OTOG: variants seen among roughly 807,000 people sequenced by gnomAD.
The protein encoded by OTOG is otogelin.
In OTOG, 296 loss-of-function variants were observed where a neutral mutation model predicts 313.8. The observed-to-expected ratio is 0.94, with a 90% CI of 0.86 to 1.04. The LOEUF is 1.04. Ranked by LOEUF, OTOG falls within the 50% of genes least tolerant of loss-of-function variation. The pLI is 0.00. For synonymous variants in OTOG, 1,533 were observed against 1,554.9 expected (o/e 0.99, Z 0.33); for missense variants, 3,948 against 3,840.1 (o/e 1.03, Z -0.74).
chr11:17,588,694 A>AT (rs960417559), intron 24 of OTOG, among the ~76,000 whole-genome samples: 6 of 151,956 alleles, frequency 3.9e-5, no homozygotes, highest in Admixed American at 3.3e-4. Flanking sequence ...ATTCTTGGAG[A>AT]TTTTAGTATC....
At chr11:17,561,606 G>C (rs1852185160) in intron 14 of OTOG, 56 bp from the exon 15 acceptor site, 1 of 1,539,332 alleles carries the variant, frequency 6.5e-7, no homozygotes, top group Admixed American at 2.0e-5. Flanking sequence ...GAGCTTGCAG[G>C]GCAGAGTTCC....
At chr11:17,553,583 C>A in intron 6 of OTOG, 64 bp downstream of exon 6, 1 of 1,313,080 alleles carries the variant, frequency 7.6e-7, no homozygotes, top group African/African-American at 1.5e-5. Flanking sequence ...CTGCACTGGC[C>A]TGGGCTCTAC....
chr11:17,571,119 G>T lies in OTOG; in HGVS notation c.1955+729G>T, dbSNP rs140073483. On this transcript the variant is annotated intron_variant, in intron 17 of 55. Transcript: ENST00000399397. ...GAAGGCATTCTTTAGCCAAAACGGA[G>T]AATTCAGATTTGCTGTGAAGAACAA... Among the ~76,000 whole-genome samples the T allele has an allele frequency of 3.3e-5, 5 of 152,308 alleles. No individual in the cohort carries two copies. The East Asian group carries it at 7.7e-4, about 23-fold the overall frequency.
intron 15 of OTOG, among the ~76,000 whole-genome samples, chr11:17,568,542 C>T (rs556856444): frequency 4.6e-5 from 7 of 152,316 alleles, no homozygotes; most frequent in African/African-American, 1.4e-4. Context: ...TCCTTGAGGA[C>T]AGAAACTTTG....
Position 17,569,257 on chromosome 11 carries a change from C to G in OTOG, c.1746C>G (p.Asp582Glu). ...AGGCAGGGGATGTCCTTCTGTTTGACCAGTACAAGATCATCCCGCCATACA... is the reference window on the plus strand; with the variant it reads ...AGGCAGGGGATGTCCTTCTGTTTGAGCAGTACAAGATCATCCCGCCATACA... Reference protein sequence around the residue: ...LTQAGDVLLFDQYKIIPPYTD... With the variant: ...LTQAGDVLLFEQYKIIPPYTD... The change falls in exon 16 of 56, where the codon GAC becomes GAG. Residue 582 changes from aspartate (D) to glutamate (E), a missense_variant. Transcript: ENST00000399397. 1.9e-6 allele frequency: 3 copies of G among 1,550,588 alleles called. No homozygotes were observed. Among genetic ancestry groups the G allele is most frequent in the Non-Finnish European group, 2.6e-6 (3 of 1,146,996 alleles).
chr11:17,613,697 G>A lies in OTOG; in HGVS notation c.6524G>A (p.Arg2175Gln), dbSNP rs764386287. ...AHQVTIDRFN[R>Q]KVTVDLQPVW... is the part of the protein sequence containing the mutation. Reference sequence around the variant, plus strand: ...CAGGTCACTATTGATCGCTTCAACCGAAAGGTGAGTGCATCAAACAGCCAG... The same window carrying A: ...CAGGTCACTATTGATCGCTTCAACCAAAAGGTGAGTGCATCAAACAGCCAG... The change falls in exon 39 of 56, where the codon CGA becomes CAA. Residue 2175 changes from arginine to glutamine, a missense_variant. Physicochemically the swap from Arg to Gln is conservative, Grantham distance 43. Coordinates refer to ENST00000399397, the MANE Select transcript of OTOG (RefSeq NM_001292063.2). The A allele has an allele frequency of 1.3e-5, 20 of 1,549,094 alleles. No homozygotes were observed. Among genetic ancestry groups the A allele is most frequent in the East Asian group, 4.9e-5 (2 of 40,816 alleles).
At chr11:17,569,352 A>T (rs1000903619) in intron 16 of OTOG, 64 bp downstream of exon 16, 2 of 1,539,354 alleles carry the variant, frequency 1.3e-6, no homozygotes, top group Non-Finnish European at 1.8e-6. Flanking sequence ...TCTTCCCAGG[A>T]TCCTCTGGCT....
At chr11:17,566,696 A>G (rs1407780885) in intron 15 of OTOG, among the ~76,000 whole-genome samples, 1 of 152,188 alleles carries the variant, frequency 6.6e-6, no homozygotes, top group African/African-American at 2.4e-5. Flanking sequence ...GTATATTCCT[A>G]TTATTAACGC....
At chr11:17,557,385 G>C in intron 8 of OTOG, 62 bp downstream of exon 8, 15 of 1,462,986 alleles carry the variant, frequency 1.0e-5, no homozygotes, top group Middle Eastern at 1.7e-4. Context: ...GGTCAGGCTG[G>C]GAGGGGTTGG....
chr11:17,635,262 C>A, intron 46 of OTOG, 75 bp downstream of exon 46: 1 of 1,234,264 alleles, frequency 8.1e-7, no homozygotes, highest in Non-Finnish European at 1.1e-6. Context: ...TGTCCTTGGG[C>A]AGCTGGGAGG....
intron 30 of OTOG, 81 bp downstream of exon 30, chr11:17,597,088 C>T: frequency 1.4e-6 from 2 of 1,472,870 alleles, no homozygotes; most frequent in Non-Finnish European, 1.8e-6. Flanking sequence ...GGCAGTCTGT[C>T]TAGCATTTAC....
chr11:17,617,168 G>A (rs1853741898), intron 39 of OTOG, among the ~76,000 whole-genome samples: 1 of 151,998 alleles, frequency 6.6e-6, no homozygotes, highest in Non-Finnish European at 1.5e-5. Context: ...TGATTTTTGT[G>A]TGTTAACCCA....
intron 39 of OTOG, among the ~76,000 whole-genome samples, chr11:17,621,807 C>T (rs1373249619): frequency 1.3e-5 from 2 of 152,210 alleles, no homozygotes; most frequent in Non-Finnish European, 2.9e-5. Flanking sequence ...TCAGGGATCA[C>T]TCTCCTGCAT....
intron 18 of OTOG, among the ~76,000 whole-genome samples, chr11:17,572,467 T>TGGCCCCACCA (rs1370137523): frequency 6.6e-6 from 1 of 152,204 alleles, no homozygotes; most frequent in African/African-American, 2.4e-5. Flanking sequence ...GTCGGCCCCA[T>TGGCCCCACCA]GGCCCCACCA....
chr11:17,608,064 C>T (rs1255308299), intron 33 of OTOG, among the ~76,000 whole-genome samples: 1 of 152,162 alleles, frequency 6.6e-6, no homozygotes, highest in East Asian at 1.9e-4. Context: ...GTCCTCAGTC[C>T]TTCCCTGTCC....
At chr11:17,549,398 G>A (rs1013956211) in intron 3 of OTOG, among the ~76,000 whole-genome samples, 1 of 152,358 alleles carries the variant, frequency 6.6e-6, no homozygotes, top group African/African-American at 2.4e-5. Context: ...AGTGAGGGGG[G>A]ATGGTGTGGG....
intron 31 of OTOG, among the ~76,000 whole-genome samples, chr11:17,601,605 T>A (rs1024298283): frequency 3.1e-4 from 27 of 86,184 alleles, no homozygotes; most frequent in Non-Finnish European, 5.2e-4. Flanking sequence ...GGGGCGTGGC[T>A]GGGAGGGCAG....
chr11:17,568,227 A>T (rs1852331274), intron 15 of OTOG, among the ~76,000 whole-genome samples: 2 of 152,156 alleles, frequency 1.3e-5, no homozygotes, highest in Non-Finnish European at 2.9e-5. Context: ...TCTTAATCAG[A>T]TTGCTATGAG....
intron 39 of OTOG, among the ~76,000 whole-genome samples, chr11:17,616,301 C>A (rs1853719271): frequency 6.6e-6 from 1 of 152,212 alleles, no homozygotes; most frequent in African/African-American, 2.4e-5. Flanking sequence ...AAGAGATCCT[C>A]TTGCCTCAGC....
Sources: allele counts gnomAD v4.1 joint callset (sites outside exome capture counted in the v4.1 genomes callset), GRCh38; gene constraint gnomAD v4.1.1; transcripts MANE v1.5; gene names NCBI Gene and HGNC (gene_info 2026-07-23, HGNC 2026-07-21).